MYSM1: variants seen among roughly 807,000 people sequenced by gnomAD.
MYSM1 encodes the protein deubiquitinase MYSM1.
In MYSM1, 51 loss-of-function variants were observed where a neutral mutation model predicts 116.0. The ratio of observed to expected loss-of-function variants is 0.44; its 90% confidence interval spans 0.35 to 0.56. The LOEUF is 0.56. Among genes scored for constraint, MYSM1 ranks in the 20% least tolerant of loss-of-function variants. The pLI, the probability that MYSM1 is intolerant of heterozygous loss-of-function variation, is 0.00. For synonymous variants in MYSM1, 313 were observed against 315.2 expected (o/e 0.99, Z 0.07); for missense variants, 900 against 974.9 (o/e 0.92, Z 1.02).
intron 6 of MYSM1, 74 bp from the exon 7 acceptor site, chr1:58,685,325 T>TA (rs5774421): frequency 0.058 from 36,313 of 623,028 alleles, 444 homozygotes; most frequent in African/African-American, 0.15. Context: ...ACTACCACAT[T>TA]AAAAAAAAAA....
At chr1:58,687,232 T>C (rs945486854) in intron 6 of MYSM1, among the ~76,000 whole-genome samples, 2 of 152,156 alleles carry the variant, frequency 1.3e-5, no homozygotes, top group African/African-American at 2.4e-5. Context: ...TCTCCCTTAA[T>C]GTAAATAGAC....
At chr1:58,675,659 G>A (rs1276802208) in intron 9 of MYSM1, 79 bp from the exon 10 acceptor site, 1 of 1,003,158 alleles carries the variant, frequency 1.0e-6, no homozygotes, top group South Asian at 1.4e-5. Flanking sequence ...CATGTACACT[G>A]ACTATAGTGG....
At chr1:58,665,116 T>C (rs1044672688) in intron 17 of MYSM1, among the ~76,000 whole-genome samples, 1 of 152,172 alleles carries the variant, frequency 6.6e-6, no homozygotes, top group Admixed American at 6.5e-5. Context: ...AGAGAGCTGG[T>C]GGTCATTTTT....
chr1:58,696,049 G>A (rs1186564622), intron 1 of MYSM1, among the ~76,000 whole-genome samples: 1 of 152,128 alleles, frequency 6.6e-6, no homozygotes, highest in East Asian at 1.9e-4. Flanking sequence ...CTTTAATTAG[G>A]CAGTAGTTAT....
chr1:58,695,049 GT>G (rs1644954437), intron 2 of MYSM1, 79 bp downstream of exon 2: 1 of 709,078 alleles, frequency 1.4e-6, no homozygotes, highest in Non-Finnish European at 2.2e-6. Context: ...CTAGCACTAA[GT>G]TTAAAAAAAA....
intron 14 of MYSM1, 80 bp downstream of exon 14, chr1:58,668,552 T>C (rs761790553): frequency 1.3e-6 from 2 of 1,487,678 alleles, no homozygotes; most frequent in East Asian, 5.1e-5. Context: ...ACGTCTTCCA[T>C]ACTCTGTCTT....
chr1:58,664,962 G>C (rs1008221023), intron 17 of MYSM1, among the ~76,000 whole-genome samples: 1 of 152,180 alleles, frequency 6.6e-6, no homozygotes, highest in Non-Finnish European at 1.5e-5. Flanking sequence ...GCCCAGAAAT[G>C]TTTGGACTAC....
At chr1:58,670,381 A>G (rs535319266) in intron 12 of MYSM1, among the ~76,000 whole-genome samples, 3 of 152,320 alleles carry the variant, frequency 2.0e-5, no homozygotes, top group South Asian at 4.1e-4. Flanking sequence ...GAAATAGACA[A>G]TTATTGAGCT....
intron 16 of MYSM1, among the ~76,000 whole-genome samples, chr1:58,666,051 T>C (rs1015914753): frequency 1.8e-4 from 27 of 151,008 alleles, no homozygotes; most frequent in Non-Finnish European, 2.9e-4. Flanking sequence ...AGTAAGACTA[T>C]GTCTCTAAAA....
At chr1:58,681,724 A>G (rs555485131) in intron 8 of MYSM1, 61 bp downstream of exon 8, 11 of 1,450,878 alleles carry the variant, frequency 7.6e-6, no homozygotes, top group Non-Finnish European at 9.2e-6. Context: ...GTATAGGCCT[A>G]ATTAAAATAC....
chr1:58,678,948 C>A (rs1644696571), intron 8 of MYSM1, among the ~76,000 whole-genome samples: 1 of 152,076 alleles, frequency 6.6e-6, no homozygotes, highest in African/African-American at 2.4e-5. Context: ...CCTCTGTGAA[C>A]CTCATTTTTC....
In MYSM1 at chr1:58,675,464, GAT is replaced by G; in HGVS notation, c.1494+11_1494+12del. On this transcript the variant is annotated intron_variant, in intron 10 of 19. Coordinates refer to ENST00000472487, the MANE Select transcript of MYSM1 (RefSeq NM_001085487.3). The stretch of plus-strand genomic sequence containing the variant: ...GCAATGTGGAGAGATCACTGAGAGA[GAT>G]GACTGCTTACCATAGACTGCAGACG... 6.3e-7 allele frequency: 1 copy of G among 1,586,326 alleles called. No homozygotes were observed. The highest frequency in any genetic ancestry group is 8.6e-7 in the Non-Finnish European group (1 of 1,157,802).
chr1:58,688,629 A>G (rs924437705), intron 6 of MYSM1, among the ~76,000 whole-genome samples: 4 of 152,070 alleles, frequency 2.6e-5, no homozygotes, highest in African/African-American at 9.7e-5. Context: ...ACAATGCCAA[A>G]TTATCTGAAT....
At chr1:58,673,496 C>T in intron 11 of MYSM1, 77 bp downstream of exon 11, 2 of 1,167,674 alleles carry the variant, frequency 1.7e-6, no homozygotes, top group Middle Eastern at 1.9e-4. Flanking sequence ...AAGTACAATA[C>T]ATATGACATT....
chr1:58,673,618 C>G lies in MYSM1; in HGVS notation c.1527G>C (p.Trp509Cys). The part of the protein sequence containing the change: ...RTRRRRVRDP[W>C]GNWCDAKDLE... ...AGTCCTTTGCATCACACCAGTTTCC[C>G]CATGGGTCTCGGACCCTACGTCTCC... The change falls in exon 11 of 20, where the codon TGG becomes TGC. Residue 509 changes from tryptophan (W) to cysteine (C), a missense_variant. Physicochemically the swap from Trp to Cys is radical, Grantham distance 215. This residue lies in a region of MYSM1 where 622 missense variants were observed against 623.7 expected (regional missense o/e 1.00). Coordinates refer to ENST00000472487, the MANE Select transcript of MYSM1 (RefSeq NM_001085487.3). 6.2e-7 allele frequency: 1 copy of G among 1,614,022 alleles called. No individual in the cohort carries two copies. The highest frequency in any genetic ancestry group is 8.5e-7 in the Non-Finnish European group (1 of 1,179,976).
chr1:58,690,682 T>C (rs1170321112), intron 3 of MYSM1, among the ~76,000 whole-genome samples: 1 of 21,728 alleles, frequency 4.6e-5, no homozygotes, highest in Non-Finnish European at 1.0e-4. Context: ...ATTTTGTGAT[T>C]TTTTTTTTTT....
At position 58,673,603 on chromosome 1, in the gene MYSM1, A is replaced by T; in HGVS notation, c.1542T>A (p.Asp514Glu). The T allele has an allele frequency of 6.2e-7, 1 of 1,614,136 alleles. No individual in the cohort carries two copies. Among genetic ancestry groups the T allele is most frequent in the South Asian group, 1.1e-5 (1 of 91,088 alleles). The change falls in exon 11 of 20, where the codon GAT becomes GAA. Residue 514 changes from aspartate to glutamate, a missense_variant. Asp to Glu is a conservative substitution (Grantham distance 45, BLOSUM62 2). This residue lies in a region of MYSM1 where 622 missense variants were observed against 623.7 expected (regional missense o/e 1.00). Transcript: ENST00000472487. ...RVRDPWGNWC[D>E]AKDLEGQTFE... The stretch of plus-strand genomic sequence containing the variant: ...ACGTTTGTCCTTCTAAGTCCTTTGC[A>T]TCACACCAGTTTCCCCATGGGTCTC...
In MYSM1 at chr1:58,682,365, C is replaced by G; in HGVS notation, c.679G>C (p.Asp227His). The change falls in exon 8 of 20, where the codon GAT becomes CAT. Residue 227 changes from aspartate (D) to histidine (H), a missense_variant. Around this residue, in one of 3 missense-constraint regions of MYSM1, gnomAD observed 622 missense variants for 623.7 expected, o/e 1.00. Coordinates refer to ENST00000472487, the MANE Select transcript of MYSM1 (RefSeq NM_001085487.3). ...LSDDEEVDITDEVDELSSQTP... is the reference protein window; with the variant it reads ...LSDDEEVDITHEVDELSSQTP... ...TGAGAAGACAACTCGTCCACCTCATCTGTGATGTCTACTTCTTCATCATCA... is the reference window on the plus strand; with the variant it reads ...TGAGAAGACAACTCGTCCACCTCATGTGTGATGTCTACTTCTTCATCATCA... The G allele has an allele frequency of 6.2e-7, 1 of 1,614,188 alleles. No homozygotes were observed. Among genetic ancestry groups the G allele is most frequent in the Non-Finnish European group, 8.5e-7 (1 of 1,180,034 alleles).
chr1:58,669,386 T>C (rs1474863503), intron 12 of MYSM1, among the ~76,000 whole-genome samples: 1 of 152,118 alleles, frequency 6.6e-6, no homozygotes, highest in Non-Finnish European at 1.5e-5. Flanking sequence ...AAAAAAAGGT[T>C]CAAGAAAGAT....
Sources: allele counts gnomAD v4.1 joint callset (sites outside exome capture counted in the v4.1 genomes callset), GRCh38; gene constraint gnomAD v4.1.1; regional missense constraint gnomAD v4.1.1; transcripts MANE v1.5; gene names NCBI Gene and HGNC (gene_info 2026-07-23, HGNC 2026-07-21).